Variants in RFXANK observed in about 807,000 individuals in gnomAD.
RFXANK encodes regulatory factor X associated ankyrin containing protein.
RFXANK carries 19 observed loss-of-function variants against 34.5 expected under a neutral mutation model. The ratio of observed to expected loss-of-function variants is 0.55; its 90% CI spans 0.38 to 0.81. RFXANK has a LOEUF of 0.81. RFXANK is among the 30% of genes least tolerant of loss of function. The pLI is 0.00. For missense variants in RFXANK, 295 were observed against 343.5 expected (o/e 0.86, Z 1.12); for synonymous variants, 154 against 149.8 (o/e 1.03, Z -0.20).
intron 9 of RFXANK, among the ~76,000 whole-genome samples, chr19:19,199,620 G>A (rs1353640511): frequency 6.6e-6 from 1 of 152,124 alleles, no homozygotes; most frequent in Non-Finnish European, 1.5e-5. Flanking sequence ...GGAGGTCAGG[G>A]AAGGATTCTG....
At chr19:19,200,175 C>CTTTT (rs978912398) in intron 9 of RFXANK, among the ~76,000 whole-genome samples, 5 of 120,378 alleles carry the variant, frequency 4.2e-5, no homozygotes, top group African/African-American at 1.6e-4. Flanking sequence ...TTTGTTGTTG[C>CTTTT]TTTTTTTTTT....
At chr19:19,200,180 T>TC (rs934810986) in intron 9 of RFXANK, among the ~76,000 whole-genome samples, 3 of 147,746 alleles carry the variant, frequency 2.0e-5, no homozygotes, top group African/African-American at 7.5e-5. Flanking sequence ...TGTTGCTTTT[T>TC]TTTTTTTTTT....
rs1321878305 is a variant in RFXANK, at chr19:19,193,944, C to T, written c.-3C>T. ...CCTTCTGACACCTCCGCCAGCTTTC[C>T]CCATGGAGCTTACCCAGCCTGCAGA... On this transcript the variant is annotated 5_prime_UTR_variant, in exon 3 of 10. Transcript: ENST00000303088. The T allele has an allele frequency of 6.2e-7, 1 of 1,614,202 alleles. No homozygotes were observed. The highest frequency in any genetic ancestry group is 2.2e-5 in the East Asian group (1 of 44,880).
Position 19,194,140 on chromosome 19 carries a change from T to C in RFXANK, c.187+7T>C. ...AGTGTTTCCTCTCCACAGGGTAGGA[T>C]ACCTCCTCTGGGATTAGCCCTCTGG... On this transcript the variant is annotated splice_region_variant and intron_variant, in intron 3 of 9. Transcript: ENST00000303088. 6.2e-7 allele frequency: 1 copy of C among 1,613,720 alleles called. No homozygotes were observed. Among genetic ancestry groups the C allele is most frequent in the Non-Finnish European group, 8.5e-7 (1 of 1,179,584 alleles).
At position 19,192,563 on chromosome 19, in the gene RFXANK, C is replaced by T. The variant is rs1301224202; in HGVS notation, c.-150+9C>T. On this transcript the variant is annotated intron_variant, in intron 1 of 9. Coordinates refer to ENST00000303088, the MANE Select transcript of RFXANK (RefSeq NM_003721.4). ...GGAACGGGACGGCCAAGGTACGCTG[C>T]CCCTTTAAGTTCCAGACGCCCCGCG... is the stretch of plus-strand genomic sequence containing the variant. 2.9e-5 allele frequency: 5 copies of T among 173,122 alleles called. No homozygotes were observed. The highest frequency in any genetic ancestry group is 6.2e-5 in the Non-Finnish European group (5 of 80,650). 10.7% of individuals were successfully genotyped at this position (173,122 alleles called of 1,614,324 possible).
intron 3 of RFXANK, among the ~76,000 whole-genome samples, chr19:19,195,736 A>C (rs991823777): frequency 1.4e-5 from 2 of 139,884 alleles, no homozygotes; most frequent in Non-Finnish European, 3.1e-5. Flanking sequence ...CCTGCTTTTA[A>C]ATTTTTTTTT....
intron 2 of RFXANK, among the ~76,000 whole-genome samples, chr19:19,193,371 C>T (rs1002738410): frequency 2.6e-5 from 4 of 151,712 alleles, no homozygotes; most frequent in African/African-American, 9.7e-5. Flanking sequence ...GGGATTCGAA[C>T]CCAGACAGCT....
chr19:19,192,496 C>T lies in RFXANK; in HGVS notation c.-208C>T, dbSNP rs2060500123. 9.9e-6 allele frequency: 3 copies of T among 302,848 alleles called. No homozygotes were observed. The highest frequency in any genetic ancestry group is 1.9e-5 in the Non-Finnish European group (3 of 158,182). The allele number at this position is 302,848 out of a possible 1,614,324, so 18.8% of individuals were successfully genotyped here. On this transcript the variant is annotated 5_prime_UTR_variant, in exon 1 of 10. Transcript: ENST00000303088. ...CCTTCTTTAGCCCTCTGCCCCCGCC[C>T]TTGCTTATAAGCCTTTGAGACCGCA...
chr19:19,197,754 A>C, intron 6 of RFXANK, 133 bp downstream of exon 6: 1 of 840,038 alleles, frequency 1.2e-6, no homozygotes, highest in Non-Finnish European at 1.9e-6. Flanking sequence ...CATGCCTGTA[A>C]TCCCAGCACT....
rs558532258 is a variant in RFXANK at position 19,199,197 on chromosome 19, C to T, written c.675C>T (p.Thr225=). Residue 225 remains threonine (T), a synonymous_variant, in exon 9 of 10, where the codon ACC becomes ACT. Transcript: ENST00000303088. ...CCACCGAAGCCGACTCTGGCTACAC[C>T]CCGATGGACCTTGCCGTGGCCCTGG... ...DLTTEADSGY[T]PMDLAVALGY... 6.2e-7 allele frequency: 1 copy of T among 1,614,008 alleles called. No individual in the cohort carries two copies. The highest frequency in any genetic ancestry group is 8.5e-7 in the Non-Finnish European group (1 of 1,180,006).
chr19:19,193,912 T>C (rs764267975), intron 2 of RFXANK, 27 bp from the exon 3 acceptor site: 1 of 1,610,904 alleles, frequency 6.2e-7, no homozygotes, highest in Non-Finnish European at 8.5e-7. Context: ...ATTATTGTCA[T>C]CTCTCCCCTT....
chr19:19,197,685 T>G, intron 6 of RFXANK, 64 bp downstream of exon 6: 3 of 1,427,848 alleles, frequency 2.1e-6, no homozygotes, highest in Non-Finnish European at 2.9e-6. Flanking sequence ...GCTGGGGTTT[T>G]GGCTGTGTCT....
At chr19:19,197,978 C>T (rs1764550206) in intron 6 of RFXANK, 129 bp from the exon 7 acceptor site, 2 of 1,329,606 alleles carry the variant, frequency 1.5e-6, no homozygotes, top group South Asian at 1.2e-5. Flanking sequence ...CGCCACTGCA[C>T]TCCAGCCTGG....
chr19:19,198,630 G>A lies in RFXANK; in HGVS notation c.565-27G>A, dbSNP rs769067076. 7.4e-6 allele frequency: 12 copies of A among 1,611,514 alleles called. No individual in the cohort carries two copies. The South Asian group carries it at 1.3e-4, about 18-fold the overall frequency. The stretch of plus-strand genomic sequence containing the variant: ...GAGAATGAGGAAGAGGTAAACCTTT[G>A]GTTTCTCCTGCCCCTACCCACGACA... On this transcript the variant is annotated intron_variant, in intron 7 of 9. Coordinates refer to ENST00000303088, the MANE Select transcript of RFXANK (RefSeq NM_003721.4).
intron 6 of RFXANK, 148 bp downstream of exon 6, chr19:19,197,769 G>A: frequency 1.3e-6 from 1 of 756,116 alleles, no homozygotes; most frequent in East Asian, 2.7e-5. Flanking sequence ...AGCACTTTGG[G>A]AGGCCGAGGC....
At chr19:19,195,916 G>A (rs1295847767) in intron 3 of RFXANK, among the ~76,000 whole-genome samples, 1 of 150,782 alleles carries the variant, frequency 6.6e-6, no homozygotes, top group East Asian at 2.0e-4. Context: ...CTAATTTTGT[G>A]TTTTTAGTAG....
At chr19:19,192,811 A>G (rs1158422589) in intron 1 of RFXANK, 149 bp from the exon 2 acceptor site, 1 of 152,402 alleles carries the variant, frequency 6.6e-6, no homozygotes, top group Non-Finnish European at 1.5e-5. Context: ...AGCGGAACCC[A>G]CGCCCTCCCC....
intron 9 of RFXANK, among the ~76,000 whole-genome samples, chr19:19,199,957 CAG>C (rs1284091774): frequency 2.6e-5 from 4 of 152,224 alleles, no homozygotes; most frequent in East Asian, 1.9e-4. Context: ...GTGTTTGGGA[CAG>C]AAATCATTCC....
At position 19,192,426 on chromosome 19, in the gene RFXANK, T is replaced by G; in HGVS notation, c.-278T>G. 1 of 496,036 alleles carries G rather than the reference T, an allele frequency of 2.0e-6. No individual in the cohort carries two copies. Among genetic ancestry groups the G allele is most frequent in the Non-Finnish European group, 3.6e-6 (1 of 274,304 alleles). 30.7% of individuals were successfully genotyped at this position (496,036 alleles called of 1,614,324 possible). ...AACCCCCTTTTCCTTGAGAGACGAG[T>G]TGGGGGAGTCCTCCACGCATTACCC... On this transcript the variant is annotated 5_prime_UTR_variant, in exon 1 of 10. Coordinates refer to ENST00000303088, the MANE Select transcript of RFXANK (RefSeq NM_003721.4).
Sources: gnomAD v4.1 joint callset for allele counts (sites outside exome capture counted in the v4.1 genomes callset) on GRCh38, gnomAD v4.1.1 for gene constraint, MANE v1.5 for transcripts, NCBI Gene and HGNC (gene_info 2026-07-23, HGNC 2026-07-21) for gene names.